The following NRXN3 variants were observed in gnomAD, a reference collection of about 807,000 sequenced individuals.
NRXN3 encodes the protein neurexin III.
Under a neutral mutation model 137.6 loss-of-function variants are expected in NRXN3, and 32 were observed. The ratio of observed to expected loss-of-function variants is 0.23; its 90% confidence interval spans 0.18 to 0.31. The LOEUF (loss-of-function observed/expected upper bound fraction) is 0.31. Among genes scored for constraint, NRXN3 ranks in the 10% least tolerant of loss-of-function variants. NRXN3 has a pLI of 1.00. For missense variants in NRXN3, 1,574 were observed against 2,062.5 expected (o/e 0.76, Z 4.59); for synonymous variants, 798 against 784.5 (o/e 1.02, Z -0.29).
intron 4 of NRXN3, among the ~76,000 whole-genome samples, chr14:78,391,644 A>T (rs1052425763): frequency 1.4e-4 from 21 of 152,196 alleles, no homozygotes; most frequent in African/African-American, 3.9e-4. Context: ...TCAGGGCTCC[A>T]TGAGAGGCTG....
intron 16 of NRXN3, among the ~76,000 whole-genome samples, chr14:79,496,376 C>G (rs1328329786): frequency 6.6e-6 from 1 of 152,042 alleles, no homozygotes; most frequent in Non-Finnish European, 1.5e-5. Context: ...AAAATCTGAT[C>G]TGTGGTGAAA....
At chr14:79,525,652 T>C (rs2097111916) in intron 16 of NRXN3, among the ~76,000 whole-genome samples, 1 of 152,198 alleles carries the variant, frequency 6.6e-6, no homozygotes, top group Non-Finnish European at 1.5e-5. Flanking sequence ...TTTCATTGCG[T>C]GGTATTCATT....
intron 19 of NRXN3, among the ~76,000 whole-genome samples, chr14:79,740,632 T>C (rs12588956): frequency 1.4e-5 from 2 of 147,006 alleles, no homozygotes; most frequent in Non-Finnish European, 3.0e-5. Context: ...TTTACAACTT[T>C]TGCATCTCTT....
At chr14:78,868,471 G>A (rs576199884) in intron 10 of NRXN3, among the ~76,000 whole-genome samples, 2 of 152,246 alleles carry the variant, frequency 1.3e-5, no homozygotes, top group South Asian at 4.2e-4. Context: ...GCCAAACCCT[G>A]TTTTAAATGC....
chr14:78,574,512 G>A (rs561757184), intron 4 of NRXN3, among the ~76,000 whole-genome samples: 1 of 152,374 alleles, frequency 6.6e-6, no homozygotes, highest in East Asian at 1.9e-4. Context: ...CTGGATGTTA[G>A]ACACAGAGTC....
chr14:79,431,061 C>T (rs868803627), intron 15 of NRXN3, among the ~76,000 whole-genome samples: 2 of 152,176 alleles, frequency 1.3e-5, no homozygotes, highest in South Asian at 4.1e-4. Flanking sequence ...CTCTTACCTC[C>T]TTTCTCAGAT....
chr14:78,666,895 T>C lies in NRXN3; in HGVS notation c.1221+15569T>C, dbSNP rs764067857. On this transcript the variant is annotated intron_variant, in intron 6 of 20. Coordinates refer to ENST00000335750, the MANE Select transcript of NRXN3 (RefSeq NM_001330195.2). ...ACTCAAGGCCTTCTGCAGTTTGTCTTCAACTTGGGTGCCACCTCCTCATAG... is the reference window on the plus strand; with the variant it reads ...ACTCAAGGCCTTCTGCAGTTTGTCTCCAACTTGGGTGCCACCTCCTCATAG... 2.6e-4 allele frequency among the ~76,000 whole-genome samples: 39 copies of C among 152,142 alleles called. 1 individual carries two copies. Among genetic ancestry groups the C allele is most frequent in the South Asian group, 6.2e-4 (3 of 4,824 alleles).
chr14:79,436,371 A>G (rs1455043764), intron 15 of NRXN3, among the ~76,000 whole-genome samples: 1 of 152,116 alleles, frequency 6.6e-6, no homozygotes, highest in Non-Finnish European at 1.5e-5. Context: ...ACCCAGTCTC[A>G]TTTCAGCAGT....
At chr14:78,983,268 ATATGATTCAGC>A (rs1348291470) in intron 14 of NRXN3, among the ~76,000 whole-genome samples, 1 of 152,218 alleles carries the variant, frequency 6.6e-6, no homozygotes, top group Non-Finnish European at 1.5e-5. Flanking sequence ...TAGAATTACC[ATATGATTCAGC>A]AATCCTGCTT....
chr14:79,632,721 T>A (rs1361699915), intron 16 of NRXN3, among the ~76,000 whole-genome samples: 1 of 151,732 alleles, frequency 6.6e-6, no homozygotes, highest in East Asian at 1.9e-4. Flanking sequence ...ATTAAGTATT[T>A]TATATATATT....
intron 14 of NRXN3, among the ~76,000 whole-genome samples, chr14:78,970,002 A>T (rs1214543679): frequency 6.6e-6 from 1 of 152,196 alleles, no homozygotes. Context: ...CCTGGAATAG[A>T]CGTAGCATTT....
At chr14:78,300,632 T>C (rs891677443) in intron 4 of NRXN3, 47 of 1,486,982 alleles carry the variant, frequency 3.2e-5, no homozygotes, top group Non-Finnish European at 4.3e-5. Context: ...GCCGCCTCCA[T>C]GGTGAACACC....
At chr14:78,784,978 G>A (rs992305499) in intron 8 of NRXN3, among the ~76,000 whole-genome samples, 2 of 152,136 alleles carry the variant, frequency 1.3e-5, no homozygotes, top group African/African-American at 4.8e-5. Flanking sequence ...ATAAGACCAG[G>A]GGCTCAGATC....
At chr14:79,832,031 G>A (rs2099325479) in intron 20 of NRXN3, among the ~76,000 whole-genome samples, 1 of 152,104 alleles carries the variant, frequency 6.6e-6, no homozygotes, top group Admixed American at 6.6e-5. Context: ...ACCAAAATCT[G>A]CAGACGCTCA....
At chr14:78,303,401 G>C (rs1335493336) in intron 4 of NRXN3, among the ~76,000 whole-genome samples, 1 of 152,070 alleles carries the variant, frequency 6.6e-6, no homozygotes, top group Admixed American at 6.6e-5. Context: ...TTAACATCCA[G>C]ATGTGTCTAG....
intron 4 of NRXN3, among the ~76,000 whole-genome samples, chr14:78,514,348 T>C (rs1489778112): frequency 1.3e-5 from 2 of 152,150 alleles, no homozygotes; most frequent in African/African-American, 2.4e-5. Context: ...TGAGCTGTGT[T>C]CTATGGGGTA....
chr14:79,132,309 G>A (rs751360645), intron 15 of NRXN3, among the ~76,000 whole-genome samples: 5 of 152,196 alleles, frequency 3.3e-5, no homozygotes, highest in Admixed American at 6.5e-5. Context: ...TGTAAGTTTT[G>A]TGAAATGTAT....
At chr14:78,759,496 C>T (rs368838657) in intron 8 of NRXN3, among the ~76,000 whole-genome samples, 4 of 152,222 alleles carry the variant, frequency 2.6e-5, no homozygotes, top group South Asian at 2.1e-4. Context: ...ATAAATATAT[C>T]GCTGAGTTCT....
intron 15 of NRXN3, among the ~76,000 whole-genome samples, chr14:79,437,320 C>G (rs1157936698): frequency 1.3e-5 from 2 of 151,930 alleles, no homozygotes; most frequent in Admixed American, 6.6e-5. Flanking sequence ...CTTCAGAAAC[C>G]TAATTTTCAT....
Sources: allele counts gnomAD v4.1 joint callset (sites outside exome capture counted in the v4.1 genomes callset), GRCh38; gene constraint gnomAD v4.1.1; transcripts MANE v1.5; gene names NCBI Gene and HGNC (gene_info 2026-07-23, HGNC 2026-07-21).